The following LRP1B variants were observed in gnomAD, a reference collection of about 807,000 sequenced individuals.
LRP1B encodes the protein low-density lipoprotein receptor-related protein 1B.
LRP1B carries 217 observed loss-of-function variants against 556.6 expected under a neutral mutation model. That is an observed-to-expected ratio of 0.39 (90% confidence interval 0.35 to 0.44). LRP1B has a LOEUF of 0.44. LRP1B is among the 20% of genes least tolerant of loss of function. LRP1B has a pLI of 1.00. For missense variants in LRP1B, 5,053 were observed against 5,620.8 expected (o/e 0.90, Z 3.23); for synonymous variants, 2,047 against 1,865.8 (o/e 1.10, Z -2.50).
chr2:141,017,089 T>C (rs1477187894), intron 12 of LRP1B, among the ~76,000 whole-genome samples: 5 of 152,232 alleles, frequency 3.3e-5, no homozygotes, highest in Admixed American at 6.5e-5. Flanking sequence ...GACTGTTGAA[T>C]TGTATTAATC....
At chr2:141,663,463 TG>T (rs1690301898) in intron 2 of LRP1B, among the ~76,000 whole-genome samples, 1 of 146,006 alleles carries the variant, frequency 6.8e-6, no homozygotes, top group Admixed American at 6.8e-5. Context: ...AAGAAGAAAA[TG>T]GAGAAGAATC....
chr2:140,409,406 AT>A (rs1684878809), intron 66 of LRP1B, among the ~76,000 whole-genome samples: 1 of 151,966 alleles, frequency 6.6e-6, no homozygotes, highest in African/African-American at 2.4e-5. Flanking sequence ...GAAGTAAATA[AT>A]TTTTTTGACT....
intron 43 of LRP1B, among the ~76,000 whole-genome samples, chr2:140,579,146 A>C (rs1681657649): frequency 6.6e-6 from 1 of 152,166 alleles, no homozygotes; most frequent in Non-Finnish European, 1.5e-5. Flanking sequence ...ATAATATGAC[A>C]CTTCGGGAGA....
At chr2:142,001,872 T>C (rs927001640) in intron 1 of LRP1B, among the ~76,000 whole-genome samples, 1 of 152,088 alleles carries the variant, frequency 6.6e-6, no homozygotes, top group Non-Finnish European at 1.5e-5. Context: ...ATGCTGAAAA[T>C]TGTGGGGTAC....
chr2:141,447,811 A>T (rs1322749975), intron 3 of LRP1B, among the ~76,000 whole-genome samples: 1 of 152,150 alleles, frequency 6.6e-6, no homozygotes, highest in Non-Finnish European at 1.5e-5. Flanking sequence ...GCCAACTGCC[A>T]GGGTGCCAGC....
At chr2:142,029,381 A>G (rs1242886795) in intron 1 of LRP1B, among the ~76,000 whole-genome samples, 3 of 151,886 alleles carry the variant, frequency 2.0e-5, no homozygotes, top group East Asian at 3.9e-4. Flanking sequence ...CAATACATAC[A>G]TGTCTAACTC....
rs1422393804 is a variant in LRP1B at position 141,857,081 on chromosome 2, G to A, written c.83-46680C>T. Among the ~76,000 whole-genome samples, 4 of 151,944 alleles carry A rather than the reference G, an allele frequency of 2.6e-5. No individual in the cohort carries two copies. The East Asian group carries it at 5.8e-4, about 22-fold the overall frequency. On this transcript the variant is annotated intron_variant, in intron 1 of 90. Transcript: ENST00000389484. Reference sequence around the variant, plus strand: ...GCCATATATAAATCACTACCACAGGGCCTGTTGTATAATAGCCATTCCACT... The same window carrying A: ...GCCATATATAAATCACTACCACAGGACCTGTTGTATAATAGCCATTCCACT...
At chr2:140,646,112 C>T (rs1684474653) in intron 41 of LRP1B, among the ~76,000 whole-genome samples, 1 of 152,128 alleles carries the variant, frequency 6.6e-6, no homozygotes, top group African/African-American at 2.4e-5. Context: ...ATTTCATACC[C>T]TAAACATGCC....
intron 15 of LRP1B, among the ~76,000 whole-genome samples, chr2:141,001,036 C>T (rs915909218): frequency 6.6e-6 from 1 of 151,844 alleles, no homozygotes; most frequent in African/African-American, 2.4e-5. Context: ...ATCCACATAA[C>T]CGAAATTAAA....
intron 79 of LRP1B, among the ~76,000 whole-genome samples, chr2:140,329,354 T>G (rs1356364599): frequency 2.0e-5 from 3 of 152,058 alleles, no homozygotes; most frequent in Non-Finnish European, 4.4e-5. Flanking sequence ...ATGCCCTCTC[T>G]CACCACTCCT....
chr2:140,426,010 TCAAAATCAGTTTAA>T (rs1372980261), intron 66 of LRP1B, among the ~76,000 whole-genome samples: 1 of 152,190 alleles, frequency 6.6e-6, no homozygotes, highest in Non-Finnish European at 1.5e-5. Flanking sequence ...TTATAAAAAT[TCAAAATCAGTTTAA>T]TTATACAAGT....
intron 41 of LRP1B, among the ~76,000 whole-genome samples, chr2:140,683,155 A>G (rs893310270): frequency 6.6e-6 from 1 of 152,130 alleles, no homozygotes; most frequent in Non-Finnish European, 1.5e-5. Context: ...ACCTTAATTT[A>G]CAAAGAACAC....
At chr2:140,637,151 T>C (rs943936689) in intron 41 of LRP1B, among the ~76,000 whole-genome samples, 2 of 152,080 alleles carry the variant, frequency 1.3e-5, no homozygotes, top group African/African-American at 4.8e-5. Flanking sequence ...AGAGATCACC[T>C]TAGGGGCAGA....
chr2:140,655,434 G>C (rs115528706), intron 41 of LRP1B, among the ~76,000 whole-genome samples: 4,454 of 152,118 alleles, frequency 0.029, 102 homozygotes, highest in South Asian at 0.049. Flanking sequence ...TCAATAACTG[G>C]AATCTCACTT....
intron 3 of LRP1B, among the ~76,000 whole-genome samples, chr2:141,314,490 G>A (rs1205108113): frequency 6.6e-6 from 1 of 151,750 alleles, no homozygotes; most frequent in Non-Finnish European, 1.5e-5. Flanking sequence ...GAGATTAAAC[G>A]GGCTTAAAAA....
chr2:140,861,773 C>A (rs556582997), intron 27 of LRP1B, among the ~76,000 whole-genome samples: 1 of 152,322 alleles, frequency 6.6e-6, no homozygotes, highest in Middle Eastern at 3.4e-3. Context: ...TTATCACTGA[C>A]CTTTTTCCAG....
chr2:141,696,485 C>A (rs1691737305), intron 2 of LRP1B, among the ~76,000 whole-genome samples: 1 of 151,892 alleles, frequency 6.6e-6, no homozygotes, highest in South Asian at 2.1e-4. Context: ...ATAATTTAAT[C>A]TCCACATTAT....
chr2:140,417,060 G>T (rs1002126815), intron 66 of LRP1B, among the ~76,000 whole-genome samples: 2 of 152,156 alleles, frequency 1.3e-5, no homozygotes, highest in African/African-American at 4.8e-5. Context: ...TCCCAACTAA[G>T]CCAGGAAACC....
chr2:140,950,498 T>G (rs186068594), intron 19 of LRP1B, 96 bp from the exon 20 acceptor site: 141 of 1,071,352 alleles, frequency 1.3e-4, no homozygotes, highest in African/African-American at 8.9e-4. Flanking sequence ...TGTTGTTGTT[T>G]TTTGAGACAG....
Sources: allele counts gnomAD v4.1 joint callset (sites outside exome capture counted in the v4.1 genomes callset), GRCh38; gene constraint gnomAD v4.1.1; transcripts MANE v1.5; gene names NCBI Gene and HGNC (gene_info 2026-07-23, HGNC 2026-07-21).